The following DNAH14 variants were observed in gnomAD, a reference collection of about 807,000 sequenced individuals.
DNAH14 encodes dynein axonemal heavy chain 14.
Under a neutral mutation model 520.9 loss-of-function variants are expected in DNAH14, and 478 were observed. The observed-to-expected ratio is 0.92, with a 90% CI of 0.85 to 0.99. DNAH14 has a LOEUF of 0.99. DNAH14 is among the 50% of genes least tolerant of loss of function. DNAH14 has a pLI of 0.00. For missense variants in DNAH14, 4,831 were observed against 5,234.5 expected (o/e 0.92, Z 2.38); for synonymous variants, 1,581 against 1,757.2 (o/e 0.90, Z 2.51).
chr1:225,259,283 T>A (rs927455388), intron 46 of DNAH14, 30 bp downstream of exon 46: 3 of 1,338,650 alleles, frequency 2.2e-6, no homozygotes, highest in Non-Finnish European at 2.0e-6. Flanking sequence ...AAATTTGATT[T>A]GTCTGATTTT....
intron 1 of DNAH14, among the ~76,000 whole-genome samples, chr1:224,948,628 T>C (rs1355241507): frequency 6.6e-6 from 1 of 152,064 alleles, no homozygotes; most frequent in Non-Finnish European, 1.5e-5. Flanking sequence ...TTCTGACTCT[T>C]CTATTTATCT....
intron 84 of DNAH14, among the ~76,000 whole-genome samples, 189 bp from the exon 85 acceptor site, chr1:225,398,331 C>A (rs1266219120): frequency 6.6e-6 from 1 of 152,182 alleles, no homozygotes; most frequent in Non-Finnish European, 1.5e-5. Flanking sequence ...TATATAGATA[C>A]ACCTAAGCCT....
At chr1:225,208,462 A>G (rs1018718118) in intron 41 of DNAH14, among the ~76,000 whole-genome samples, 13 of 152,230 alleles carry the variant, frequency 8.5e-5, no homozygotes, top group African/African-American at 2.2e-4. Flanking sequence ...AAAGAGGTTA[A>G]ATATTATGTA....
intron 8 of DNAH14, among the ~76,000 whole-genome samples, chr1:224,993,763 TA>T (rs1174090734): frequency 6.6e-6 from 1 of 152,000 alleles, no homozygotes; most frequent in African/African-American, 2.4e-5. Context: ...TCTGAAGGCG[TA>T]ACATTAAGTT....
intron 35 of DNAH14, 42 bp from the exon 36 acceptor site, chr1:225,167,897 A>C (rs566074115): frequency 1.7e-6 from 2 of 1,154,936 alleles, no homozygotes; most frequent in South Asian, 1.6e-5. Context: ...TAAGAGTTTC[A>C]TTTGCAATGC....
chr1:225,011,697 C>CT (rs990567407), intron 10 of DNAH14, among the ~76,000 whole-genome samples: 17 of 139,312 alleles, frequency 1.2e-4, no homozygotes, highest in African/African-American at 4.7e-4. Flanking sequence ...CCTTCTTTGT[C>CT]TTTTTTTAAT....
At chr1:225,309,967 G>C (rs975508227) in intron 60 of DNAH14, among the ~76,000 whole-genome samples, 9 of 151,434 alleles carry the variant, frequency 5.9e-5, no homozygotes, top group Admixed American at 5.3e-4. Flanking sequence ...CATGGCACAT[G>C]TATACATATG....
intron 8 of DNAH14, among the ~76,000 whole-genome samples, chr1:224,981,920 C>T (rs892406447): frequency 1.3e-5 from 2 of 152,002 alleles, no homozygotes; most frequent in Admixed American, 6.6e-5. Context: ...TTTGGAAGGC[C>T]GAAAGGTTAC....
At chr1:225,299,240 G>A (rs2094085976) in intron 55 of DNAH14, among the ~76,000 whole-genome samples, 1 of 152,098 alleles carries the variant, frequency 6.6e-6, no homozygotes, top group Non-Finnish European at 1.5e-5. Flanking sequence ...CCATGTCCAA[G>A]ACAAAATTAG....
At chr1:225,264,831 G>C (rs2149791711) in intron 47 of DNAH14, among the ~76,000 whole-genome samples, 1 of 152,252 alleles carries the variant, frequency 6.6e-6, no homozygotes, top group South Asian at 2.1e-4. Context: ...TTAAGTTGCT[G>C]TAGCTATAGC....
At chr1:225,045,268 T>G (rs74860615) in intron 15 of DNAH14, among the ~76,000 whole-genome samples, 2 of 141,290 alleles carry the variant, frequency 1.4e-5, no homozygotes, top group South Asian at 4.4e-4. Flanking sequence ...GTTTCTACTG[T>G]TTTTTTTTTA....
rs776108023 is a variant in DNAH14, at chr1:225,358,660, A to G, written c.11776+8A>G. The G allele has an allele frequency of 5.8e-6, 9 of 1,544,988 alleles. No individual in the cohort carries two copies. In the South Asian group the frequency reaches 9.7e-5, roughly 17 times the overall value. On this transcript the variant is annotated splice_region_variant and intron_variant, in intron 74 of 85. Transcript: ENST00000682510. Reference sequence around the variant, plus strand: ...TACTTATTCAAACTCATGGTAAGCTATTTGTGAATAGTTAAGATGATCGAT... The same window carrying G: ...TACTTATTCAAACTCATGGTAAGCTGTTTGTGAATAGTTAAGATGATCGAT...
At chr1:225,289,859 T>C in intron 54 of DNAH14, 26 bp from the exon 55 acceptor site, 1 of 1,305,418 alleles carries the variant, frequency 7.7e-7, no homozygotes, top group Admixed American at 3.5e-5. Context: ...ATGTATGTCA[T>C]GTGTTGTATT....
chr1:225,338,492 C>T (rs899121638), intron 68 of DNAH14, among the ~76,000 whole-genome samples: 37 of 152,094 alleles, frequency 2.4e-4, no homozygotes, highest in Admixed American at 6.6e-5. Context: ...CTTGTTTGTT[C>T]TGTTTGCCTA....
chr1:225,337,635 A>T (rs980329073), intron 67 of DNAH14, 139 bp downstream of exon 67: 7 of 672,380 alleles, frequency 1.0e-5, no homozygotes, highest in Non-Finnish European at 1.8e-5. Flanking sequence ...ATATACTTAC[A>T]GACAGAGAGT....
chr1:224,999,241 T>C (rs933460558), intron 8 of DNAH14, among the ~76,000 whole-genome samples: 2 of 152,152 alleles, frequency 1.3e-5, no homozygotes, highest in African/African-American at 2.4e-5. Context: ...AATTTCACTC[T>C]TGTTGCCTAG....
chr1:225,202,520 G>A (rs2086974466), intron 38 of DNAH14, among the ~76,000 whole-genome samples: 1 of 152,094 alleles, frequency 6.6e-6, no homozygotes, highest in African/African-American at 2.4e-5. Context: ...CAACCCAAAG[G>A]GCTAGTCTCA....
At position 225,367,940 on chromosome 1, in the gene DNAH14, C is replaced by T. The variant is rs971353777; in HGVS notation, c.12226C>T (p.Leu4076=). ...GQWWKKLLFS[L]CFFNAVINER... ...ATGGTGGAAAAAACTTTTATTTAGC[C>T]TATGTTTTTTCAATGCTGTAATCAA... The change falls in exon 77 of 86, where the codon CTA becomes TTA. Residue 4076 remains leucine, a synonymous_variant. Transcript: ENST00000682510. 1 of 1,551,518 alleles carries T rather than the reference C, an allele frequency of 6.4e-7. No individual in the cohort carries two copies. The highest frequency in any genetic ancestry group is 8.7e-7 in the Non-Finnish European group (1 of 1,146,888).
chr1:224,967,834 G>C (rs1165729151), intron 6 of DNAH14: 10 of 1,311,574 alleles, frequency 7.6e-6, no homozygotes, highest in Non-Finnish European at 8.7e-6. Context: ...TTAATACTTG[G>C]GGTAAATTTT....
Sources: gnomAD v4.1 joint callset for allele counts (sites outside exome capture counted in the v4.1 genomes callset) on GRCh38, gnomAD v4.1.1 for gene constraint, MANE v1.5 for transcripts, NCBI Gene and HGNC (gene_info 2026-07-23, HGNC 2026-07-21) for gene names.